CTNNBL1: variants seen among roughly 807,000 people sequenced by gnomAD.
CTNNBL1 encodes the protein catenin beta like 1.
In CTNNBL1, 31 loss-of-function variants were observed where a neutral mutation model predicts 72.7. That is an observed-to-expected ratio of 0.43 (90% CI 0.32 to 0.58). The LOEUF is 0.58. Among genes scored for constraint, CTNNBL1 ranks in the 20% least tolerant of loss-of-function variants. The probability of loss-of-function intolerance (pLI) is 0.08; values close to 1 mark genes in which losing one functional copy is unlikely to be tolerated. For missense variants in CTNNBL1, 534 were observed against 725.1 expected (o/e 0.74, Z 3.03); for synonymous variants, 240 against 267.3 (o/e 0.90, Z 1.00).
intron 1 of CTNNBL1, among the ~76,000 whole-genome samples, chr20:37,694,366 C>T (rs890441152): frequency 5.3e-5 from 8 of 152,208 alleles, no homozygotes; most frequent in Non-Finnish European, 1.0e-4. Context: ...CCCTTCACCT[C>T]CTCTTCCTCA....
chr20:37,847,519 C>T (rs1393772869), intron 13 of CTNNBL1, among the ~76,000 whole-genome samples: 1 of 152,196 alleles, frequency 6.6e-6, no homozygotes, highest in East Asian at 1.9e-4. Flanking sequence ...TTTCACCTGA[C>T]TCTCCGAACG....
chr20:37,706,401 G>A (rs2072885260), intron 1 of CTNNBL1, among the ~76,000 whole-genome samples: 1 of 152,214 alleles, frequency 6.6e-6, no homozygotes, highest in Non-Finnish European at 1.5e-5. Context: ...CTAAGTTCAT[G>A]TAATATTCTA....
intron 10 of CTNNBL1, among the ~76,000 whole-genome samples, chr20:37,782,467 C>G (rs2073634546): frequency 6.6e-6 from 1 of 152,086 alleles, no homozygotes; most frequent in Non-Finnish European, 1.5e-5. Flanking sequence ...AAAATGTACG[C>G]ATTTTAAGTG....
intron 2 of CTNNBL1, among the ~76,000 whole-genome samples, chr20:37,735,330 G>C (rs1006080849): frequency 6.6e-6 from 1 of 152,056 alleles, no homozygotes; most frequent in Non-Finnish European, 1.5e-5. Flanking sequence ...GGCTAGCAAT[G>C]GGAGTCTTTG....
intron 1 of CTNNBL1, among the ~76,000 whole-genome samples, chr20:37,712,154 C>G (rs1600437043): frequency 6.6e-6 from 1 of 152,198 alleles, no homozygotes; most frequent in African/African-American, 2.4e-5. Flanking sequence ...TTCACAATCT[C>G]CACTTCTAAA....
At chr20:37,735,416 A>G (rs2073163327) in intron 2 of CTNNBL1, among the ~76,000 whole-genome samples, 1 of 152,192 alleles carries the variant, frequency 6.6e-6, no homozygotes. Flanking sequence ...GGGATTTGGG[A>G]TTTTATTCTA....
chr20:37,734,535 T>C (rs1310773125), intron 2 of CTNNBL1, among the ~76,000 whole-genome samples: 2 of 152,126 alleles, frequency 1.3e-5, no homozygotes, highest in African/African-American at 4.8e-5. Flanking sequence ...GTTTCTAGCC[T>C]GGGAGACAGA....
At chr20:37,842,442 T>C (rs375421773) in intron 13 of CTNNBL1, 23 bp downstream of exon 13, 1 of 1,569,846 alleles carries the variant, frequency 6.4e-7, no homozygotes, top group African/African-American at 1.4e-5. Context: ...GCCTCACTTT[T>C]GCCAGCTATT....
chr20:37,802,835 A>C, intron 10 of CTNNBL1, 32 bp from the exon 11 acceptor site: 1 of 1,571,344 alleles, frequency 6.4e-7, no homozygotes, highest in Non-Finnish European at 8.7e-7. Context: ...TTCCCCATGA[A>C]ATACCTTATC....
intron 10 of CTNNBL1, among the ~76,000 whole-genome samples, chr20:37,783,683 T>C (rs182768122): frequency 1.0e-3 from 153 of 152,344 alleles, no homozygotes; most frequent in African/African-American, 3.6e-3. Flanking sequence ...CCTCTTGTTA[T>C]TGATTTCTAG....
chr20:37,855,954 G>A (rs2072436490), intron 13 of CTNNBL1, among the ~76,000 whole-genome samples: 1 of 151,600 alleles, frequency 6.6e-6, no homozygotes, highest in Admixed American at 6.6e-5. Context: ...AGCCTACTAA[G>A]GGCTGGGCAC....
At chr20:37,870,438 T>C (rs1320481834) in intron 15 of CTNNBL1, among the ~76,000 whole-genome samples, 2 of 152,070 alleles carry the variant, frequency 1.3e-5, no homozygotes, top group Non-Finnish European at 2.9e-5. Context: ...TTGCGGGGAT[T>C]CTGGGCTCAC....
intron 15 of CTNNBL1, among the ~76,000 whole-genome samples, chr20:37,870,370 A>G (rs902557945): frequency 6.7e-6 from 1 of 150,050 alleles, no homozygotes; most frequent in African/African-American, 2.5e-5. Context: ...GTGTCGGGGG[A>G]CTGCACCCCC....
chr20:37,726,532 T>A (rs184873354), intron 1 of CTNNBL1, among the ~76,000 whole-genome samples: 5 of 152,334 alleles, frequency 3.3e-5, no homozygotes, highest in Non-Finnish European at 7.3e-5. Flanking sequence ...GAGACTAGAT[T>A]ATCTCTTTCT....
intron 10 of CTNNBL1, among the ~76,000 whole-genome samples, chr20:37,787,462 A>G (rs2073687278): frequency 6.8e-6 from 1 of 147,206 alleles, no homozygotes; most frequent in African/African-American, 2.5e-5. Context: ...CTCCTGCCTC[A>G]GCCTCCCAAG....
At chr20:37,703,500 A>G (rs532916134) in intron 1 of CTNNBL1, among the ~76,000 whole-genome samples, 2 of 152,294 alleles carry the variant, frequency 1.3e-5, no homozygotes, top group South Asian at 2.1e-4. Context: ...TTGACTCTGT[A>G]ACTCTCTTCT....
intron 15 of CTNNBL1, among the ~76,000 whole-genome samples, chr20:37,861,998 T>G (rs1227200835): frequency 1.3e-5 from 2 of 152,276 alleles, no homozygotes; most frequent in Non-Finnish European, 2.9e-5. Context: ...GGAAATCTCG[T>G]GTCTGCTCAG....
intron 1 of CTNNBL1, among the ~76,000 whole-genome samples, chr20:37,701,013 A>C (rs534272874): frequency 6.6e-6 from 1 of 152,356 alleles, no homozygotes; most frequent in African/African-American, 2.4e-5. Flanking sequence ...AAGTGATAGA[A>C]ATAGTATTAA....
intron 12 of CTNNBL1, 72 bp downstream of exon 12, chr20:37,840,271 G>T: frequency 8.6e-7 from 1 of 1,159,084 alleles, no homozygotes; most frequent in African/African-American, 1.5e-5. Flanking sequence ...GTGATCTGAG[G>T]GATACTGGGT....
Sources: allele counts gnomAD v4.1 joint callset (sites outside exome capture counted in the v4.1 genomes callset), GRCh38; gene constraint gnomAD v4.1.1; transcripts MANE v1.5; gene names NCBI Gene and HGNC (gene_info 2026-07-23, HGNC 2026-07-21).